The following EDN1 variants were observed in gnomAD, a reference collection of about 807,000 sequenced individuals.
EDN1 encodes the protein endothelin 1.
In EDN1, 11 loss-of-function variants were observed where a neutral mutation model predicts 21.7. That is an observed-to-expected ratio of 0.51 (90% CI 0.32 to 0.84). The LOEUF is 0.84. Ranked by LOEUF, EDN1 falls within the 40% of genes least tolerant of loss-of-function variation. EDN1 has a pLI of 0.03. For missense variants in EDN1, 244 were observed against 262.3 expected, an observed-to-expected ratio of 0.93 and a Z score of 0.48; for synonymous variants, 85 against 90.6, an observed-to-expected ratio of 0.94 and a Z score of 0.35.
the EDN1 span, among the ~76,000 whole-genome samples, chr6:12,252,539 G>A: frequency 6.6e-6 from 1 of 152,164 alleles, no homozygotes; most frequent in African/African-American, 2.4e-5. Context: ...GGTTCAATTT[G>A]GGTTGGATGC....
the EDN1 span, among the ~76,000 whole-genome samples, chr6:12,231,673 G>C: frequency 2.0e-5 from 3 of 152,060 alleles, no homozygotes; most frequent in African/African-American, 7.2e-5. Context: ...ATTAAACAGA[G>C]AGGAATTGGT....
chr6:12,295,952 G>A lies in EDN1; in HGVS notation c.534-10G>A. The A allele has an allele frequency of 6.2e-7, 1 of 1,612,674 alleles. No homozygotes were observed. The highest frequency in any genetic ancestry group is 8.5e-7 in the Non-Finnish European group (1 of 1,178,946). ...AATAACATTTGTTTTCTCTTATCTT[G>A]CTTTATTAGGTCGGAGACCATGAGA... On this transcript the variant is annotated splice_polypyrimidine_tract_variant and intron_variant, in intron 4 of 4. Coordinates refer to ENST00000379375, the MANE Select transcript of EDN1 (RefSeq NM_001955.5).
chr6:12,249,359 CATT>C, the EDN1 span, among the ~76,000 whole-genome samples: 2 of 152,036 alleles, frequency 1.3e-5, no homozygotes, highest in Non-Finnish European at 1.5e-5. Flanking sequence ...TGAAGAACTA[CATT>C]ATATGGATTG....
At chr6:12,232,138 A>G in the EDN1 span, among the ~76,000 whole-genome samples, 7 of 137,224 alleles carry the variant, frequency 5.1e-5, no homozygotes, top group Admixed American at 5.3e-4. Context: ...ATAATATAAT[A>G]TAATAAAGTG....
the EDN1 span, among the ~76,000 whole-genome samples, chr6:12,263,630 T>C: frequency 6.6e-6 from 1 of 152,312 alleles, no homozygotes; most frequent in East Asian, 1.9e-4. Flanking sequence ...TCAACTTGGA[T>C]GTTATTGATA....
the EDN1 span, among the ~76,000 whole-genome samples, chr6:12,256,568 A>C: frequency 6.6e-6 from 1 of 152,200 alleles, no homozygotes; most frequent in Admixed American, 6.5e-5. Flanking sequence ...TCTGTGACCC[A>C]GGTAAGCATG....
the EDN1 span, among the ~76,000 whole-genome samples, chr6:12,248,026 T>C: frequency 6.6e-6 from 1 of 152,034 alleles, no homozygotes; most frequent in Non-Finnish European, 1.5e-5. Flanking sequence ...GAAAAGGAGA[T>C]ACTAGATCTC....
chr6:12,284,748 G>GAAGGAAGA, the EDN1 span, among the ~76,000 whole-genome samples: 410 of 78,472 alleles, frequency 5.2e-3, 1 homozygote, highest in Middle Eastern at 0.016. Flanking sequence ...AGGAAGGAAG[G>GAAGGAAGA]AAGAAAGAAA....
intron 2 of EDN1, among the ~76,000 whole-genome samples, chr6:12,293,566 T>C (rs976946060): frequency 2.4e-4 from 37 of 152,346 alleles, no homozygotes; most frequent in African/African-American, 8.9e-4. Flanking sequence ...CTCTTCCCAC[T>C]GTGTACCCAC....
the EDN1 span, among the ~76,000 whole-genome samples, chr6:12,282,849 C>T: frequency 2.6e-5 from 4 of 152,140 alleles, no homozygotes; most frequent in South Asian, 2.1e-4. Flanking sequence ...TTGCAAGTCA[C>T]GTGTGAGAAA....
At chr6:12,269,611 T>C in the EDN1 span, among the ~76,000 whole-genome samples, 7 of 152,112 alleles carry the variant, frequency 4.6e-5, no homozygotes, top group Non-Finnish European at 4.4e-5. Context: ...ATAATGTTTA[T>C]TGATTTAGGT....
chr6:12,236,494 A>C, the EDN1 span, among the ~76,000 whole-genome samples: 1 of 152,144 alleles, frequency 6.6e-6, no homozygotes, highest in African/African-American at 2.4e-5. Context: ...TCCTGACCTC[A>C]GGTGATCCAC....
intron 1 of EDN1, among the ~76,000 whole-genome samples, chr6:12,292,082 T>C (rs1011773035): frequency 6.6e-6 from 1 of 152,196 alleles, no homozygotes; most frequent in Non-Finnish European, 1.5e-5. Flanking sequence ...GAAGTCCCTT[T>C]TCAGGTGTTT....
chr6:12,270,501 T>C, the EDN1 span, among the ~76,000 whole-genome samples: 1 of 152,174 alleles, frequency 6.6e-6, no homozygotes. Context: ...TATTAAATTA[T>C]TTTTAAATTT....
chr6:12,276,090 A>G, the EDN1 span, among the ~76,000 whole-genome samples: 1 of 130,010 alleles, frequency 7.7e-6, no homozygotes, highest in African/African-American at 2.9e-5. Context: ...TGAGCCCGGG[A>G]GGCAGAGGTT....
the EDN1 span, among the ~76,000 whole-genome samples, chr6:12,280,160 T>C: frequency 2.4e-4 from 36 of 152,330 alleles, no homozygotes; most frequent in African/African-American, 8.4e-4. Flanking sequence ...AAGGAAAAGC[T>C]AGTTTCTAGA....
the EDN1 span, among the ~76,000 whole-genome samples, chr6:12,252,293 A>G: frequency 6.6e-6 from 1 of 152,234 alleles, no homozygotes; most frequent in South Asian, 2.1e-4. Context: ...CTACTTGCAG[A>G]AACCAGCTTT....
the EDN1 span, among the ~76,000 whole-genome samples, chr6:12,239,283 CAT>C: frequency 6.6e-6 from 1 of 152,344 alleles, no homozygotes. Flanking sequence ...TAAAAATACA[CAT>C]GTTAACATAA....
At chr6:12,255,454 T>C in the EDN1 span, among the ~76,000 whole-genome samples, 34 of 152,366 alleles carry the variant, frequency 2.2e-4, 1 homozygote, top group African/African-American at 6.5e-4. Flanking sequence ...TGATATCTGA[T>C]GGCTAAAGAG....
Sources: allele counts gnomAD v4.1 joint callset (sites outside exome capture counted in the v4.1 genomes callset), GRCh38; gene constraint gnomAD v4.1.1; transcripts MANE v1.5; gene names NCBI Gene and HGNC (gene_info 2026-07-23, HGNC 2026-07-21).